Variants in NCALD observed in about 807,000 individuals in gnomAD.
The protein encoded by NCALD is neurocalcin delta.
NCALD carries 10 observed loss-of-function variants against 18.6 expected under a neutral mutation model. That is an observed-to-expected ratio of 0.54 (90% CI 0.33 to 0.91). The LOEUF is 0.91. Ranked by LOEUF, NCALD falls within the 40% of genes least tolerant of loss-of-function variation. The probability of loss-of-function intolerance (pLI) is 0.03; values close to 1 mark genes in which losing one functional copy is unlikely to be tolerated. For synonymous variants in NCALD, 88 were observed against 87.4 expected, an observed-to-expected ratio of 1.01 and a Z score of -0.04; for missense variants, 184 against 247.6, an observed-to-expected ratio of 0.74 and a Z score of 1.72.
chr8:101,896,354 A>G (rs1817170865), intron 3 of NCALD, among the ~76,000 whole-genome samples: 1 of 152,040 alleles, frequency 6.6e-6, no homozygotes, highest in South Asian at 2.1e-4. Flanking sequence ...CACCTTATAC[A>G]AAAATCAATT....
At chr8:101,700,556 G>C (rs1310318486) in intron 2 of NCALD, among the ~76,000 whole-genome samples, 1 of 152,116 alleles carries the variant, frequency 6.6e-6, no homozygotes, top group Non-Finnish European at 1.5e-5. Context: ...CTGGTCTGGA[G>C]CACTCTTTGG....
intron 2 of NCALD, among the ~76,000 whole-genome samples, chr8:101,934,576 G>A (rs1818691992): frequency 6.6e-6 from 1 of 152,152 alleles, no homozygotes; most frequent in Non-Finnish European, 1.5e-5. Flanking sequence ...AGAGTCGGGA[G>A]CTTCAGGAAG....
chr8:101,960,474 T>A (rs909790973), intron 2 of NCALD, among the ~76,000 whole-genome samples: 4 of 152,094 alleles, frequency 2.6e-5, no homozygotes, highest in African/African-American at 7.2e-5. Flanking sequence ...GTTTTACAAG[T>A]AGGAATAGTG....
chr8:101,825,234 A>G (rs926239087), intron 4 of NCALD, among the ~76,000 whole-genome samples: 2 of 152,368 alleles, frequency 1.3e-5, no homozygotes, highest in South Asian at 2.1e-4. Context: ...CATAGTATAC[A>G]GTAGGGATAC....
intron 3 of NCALD, chr8:101,692,541 C>A (rs1243551276): frequency 1.0e-6 from 1 of 985,290 alleles, no homozygotes; most frequent in African/African-American, 1.7e-5. Context: ...CCCACAAGAT[C>A]CATTCTGTTT....
At chr8:101,906,438 C>G (rs1419481108) in intron 3 of NCALD, among the ~76,000 whole-genome samples, 4 of 152,180 alleles carry the variant, frequency 2.6e-5, no homozygotes, top group Admixed American at 2.6e-4. Context: ...TCTCCAGTTG[C>G]AATGATGACT....
chr8:101,926,593 T>C (rs568611106), intron 2 of NCALD, among the ~76,000 whole-genome samples: 2 of 152,320 alleles, frequency 1.3e-5, no homozygotes, highest in East Asian at 3.9e-4. Context: ...TTAAATAAGT[T>C]AAATAATATG....
chr8:101,995,373 A>C (rs1048539124), intron 2 of NCALD, among the ~76,000 whole-genome samples: 17 of 152,216 alleles, frequency 1.1e-4, no homozygotes, highest in Admixed American at 6.5e-4. Flanking sequence ...TCTTGCACTG[A>C]TATAAAGAAA....
intron 2 of NCALD, among the ~76,000 whole-genome samples, chr8:102,003,867 T>C (rs1376873284): frequency 6.6e-6 from 1 of 152,152 alleles, no homozygotes; most frequent in East Asian, 1.9e-4. Flanking sequence ...TCGGTATTGA[T>C]GGGACGTATC....
chr8:101,950,158 C>T (rs1238243123), intron 2 of NCALD: 1 of 152,298 alleles, frequency 6.6e-6, no homozygotes, highest in Non-Finnish European at 1.5e-5. Context: ...TTATTACAGG[C>T]ATAAACCCAC....
intron 1 of NCALD, among the ~76,000 whole-genome samples, chr8:101,770,501 G>A (rs149618784): frequency 7.9e-5 from 12 of 152,240 alleles, no homozygotes; most frequent in Non-Finnish European, 1.5e-5. Context: ...GATTTCAAAT[G>A]ACAGATTGAC....
At chr8:101,946,974 G>A (rs186095296) in intron 2 of NCALD, among the ~76,000 whole-genome samples, 59 of 152,270 alleles carry the variant, frequency 3.9e-4, no homozygotes, top group Admixed American at 8.5e-4. Context: ...CTTAGTGGGT[G>A]CCAAAACTAT....
At chr8:101,787,552 C>T (rs1200396783) in intron 1 of NCALD, among the ~76,000 whole-genome samples, 1 of 152,094 alleles carries the variant, frequency 6.6e-6, no homozygotes, top group Non-Finnish European at 1.5e-5. Flanking sequence ...CAAAGTTACG[C>T]TGTTGGTTTG....
intron 1 of NCALD, among the ~76,000 whole-genome samples, chr8:101,747,239 C>T (rs1321514337): frequency 1.3e-5 from 2 of 152,100 alleles, no homozygotes; most frequent in South Asian, 2.1e-4. Context: ...TTGGTCTAAG[C>T]CAATGATAGT....
At chr8:101,864,264 T>C (rs576547290) in intron 4 of NCALD, among the ~76,000 whole-genome samples, 25 of 152,316 alleles carry the variant, frequency 1.6e-4, no homozygotes, top group Admixed American at 5.9e-4. Flanking sequence ...AGAGGCTAAC[T>C]GTGTGCAAAT....
At chr8:101,986,868 T>C (rs987193119) in intron 2 of NCALD, among the ~76,000 whole-genome samples, 3 of 150,822 alleles carry the variant, frequency 2.0e-5, no homozygotes, top group Non-Finnish European at 2.9e-5. Flanking sequence ...TAGGTAATTT[T>C]GAGCTTGAGC....
In NCALD at chr8:102,117,613, C is replaced by CAA. The variant is rs35595637; in HGVS notation, c.-210+6622_-210+6623dup. Among the ~76,000 whole-genome samples the CAA allele has an allele frequency of 3.3e-3, 387 of 118,910 alleles. 2 individuals are homozygous for CAA. The highest frequency in any genetic ancestry group is 9.6e-3 in the African/African-American group (336 of 35,058). The allele number at this position is 118,910 out of a possible 152,430, so 78.0% of individuals were successfully genotyped here. On this transcript the variant is annotated intron_variant, in intron 1 of 6. Coordinates refer to the NCALD transcript ENST00000311028. ...GTCAACTCCGTTGGCACTTTCAACT[C>CAA]AAAAAAAAAAAAAACGCAACTTACA...
chr8:102,110,465 A>G (rs1825608879), intron 1 of NCALD, among the ~76,000 whole-genome samples: 1 of 152,132 alleles, frequency 6.6e-6, no homozygotes, highest in African/African-American at 2.4e-5. Flanking sequence ...TTCACTCTCA[A>G]AACTGTCCTG....
chr8:101,976,906 A>AC, intron 2 of NCALD, among the ~76,000 whole-genome samples: 1 of 152,268 alleles, frequency 6.6e-6, no homozygotes, highest in African/African-American at 2.4e-5. Context: ...GAGAGCATCC[A>AC]AGGCAAAGGG....
Sources: allele counts gnomAD v4.1 joint callset (sites outside exome capture counted in the v4.1 genomes callset), GRCh38; gene constraint gnomAD v4.1.1; transcripts MANE v1.5; gene names NCBI Gene and HGNC (gene_info 2026-07-23, HGNC 2026-07-21).